The following MS4A12 variants were observed in gnomAD, a reference collection of about 807,000 sequenced individuals.
MS4A12 encodes membrane-spanning 4-domains subfamily A member 12.
Under a neutral mutation model 23.7 loss-of-function variants are expected in MS4A12, and 28 were observed. The ratio of observed to expected loss-of-function variants is 1.18; its 90% CI spans 0.88 to 1.62. MS4A12 has a LOEUF of 1.62. Among genes scored for constraint, MS4A12 ranks in the 40% most tolerant of loss-of-function variants. MS4A12 has a pLI of 0.00. For synonymous variants in MS4A12, 108 were observed against 110.1 expected (o/e 0.98, Z 0.12); for missense variants, 342 against 327.0 (o/e 1.05, Z -0.35).
At chr11:60,506,976 G>A (rs183100270) in intron 6 of MS4A12, 44 bp from the exon 7 acceptor site, 1 of 1,560,666 alleles carries the variant, frequency 6.4e-7, no homozygotes, top group African/African-American at 1.4e-5. Flanking sequence ...AAATTGCATA[G>A]GATTGTAGTA....
At chr11:60,496,814 A>T (rs1183709880) in intron 1 of MS4A12, among the ~76,000 whole-genome samples, 1 of 152,146 alleles carries the variant, frequency 6.6e-6, no homozygotes, top group African/African-American at 2.4e-5. Flanking sequence ...TCCTTGTTTC[A>T]TCCAGCTTCT....
intron 5 of MS4A12, 71 bp downstream of exon 5, chr11:60,503,888 C>G: frequency 7.6e-7 from 1 of 1,319,016 alleles, no homozygotes. Flanking sequence ...TGTTTTATTT[C>G]TTAATACCGT....
chr11:60,494,887 T>C (rs556721047), intron 1 of MS4A12, among the ~76,000 whole-genome samples: 1 of 152,306 alleles, frequency 6.6e-6, no homozygotes, highest in East Asian at 1.9e-4. Context: ...AACCTCACAT[T>C]CTCAAATGCT....
chr11:60,497,018 T>A (rs926421959), intron 1 of MS4A12, among the ~76,000 whole-genome samples: 10 of 152,198 alleles, frequency 6.6e-5, no homozygotes, highest in African/African-American at 2.4e-4. Context: ...CATGCTGCTA[T>A]GAGAATCCAA....
chr11:60,497,855 T>C (rs1047680898), intron 2 of MS4A12: 4 of 357,410 alleles, frequency 1.1e-5, no homozygotes, highest in Non-Finnish European at 1.5e-5. Context: ...CTGTTACATC[T>C]AGCTTGATCT....
intron 5 of MS4A12, 91 bp downstream of exon 5, chr11:60,503,908 C>G: frequency 1.8e-6 from 2 of 1,111,992 alleles, no homozygotes; most frequent in South Asian, 3.0e-5. Context: ...TATACCAGCT[C>G]TAGTGGAAAA....
intron 4 of MS4A12, 31 bp downstream of exon 4, chr11:60,502,070 C>A (rs368606447): frequency 4.4e-6 from 7 of 1,574,772 alleles, no homozygotes; most frequent in South Asian, 1.1e-5. Flanking sequence ...TTTTTGAACC[C>A]CTTTAAAGAT....
chr11:60,496,395 T>C (rs1223707116), intron 1 of MS4A12, among the ~76,000 whole-genome samples: 1 of 152,228 alleles, frequency 6.6e-6, no homozygotes, highest in Non-Finnish European at 1.5e-5. Flanking sequence ...GTCATTGTTG[T>C]CCATATTCAG....
At chr11:60,499,957 T>C (rs928560133) in intron 2 of MS4A12, among the ~76,000 whole-genome samples, 1 of 152,190 alleles carries the variant, frequency 6.6e-6, no homozygotes, top group East Asian at 1.9e-4. Flanking sequence ...AGAAAATGAT[T>C]GCATACCTGC....
intron 5 of MS4A12, among the ~76,000 whole-genome samples, chr11:60,504,645 T>C (rs1342396944): frequency 1.3e-5 from 2 of 152,224 alleles, no homozygotes; most frequent in Non-Finnish European, 2.9e-5. Context: ...TCCTTATCTA[T>C]CTAGAACATA....
At chr11:60,495,071 C>T (rs1248045663) in intron 1 of MS4A12, among the ~76,000 whole-genome samples, 5 of 151,202 alleles carry the variant, frequency 3.3e-5, no homozygotes, top group African/African-American at 1.2e-4. Flanking sequence ...CGGCTCACTG[C>T]AAGCTCCACC....
intron 1 of MS4A12, among the ~76,000 whole-genome samples, chr11:60,493,501 G>A (rs1376946034): frequency 9.2e-5 from 14 of 152,166 alleles, no homozygotes; most frequent in Admixed American, 9.2e-4. Flanking sequence ...TGATTATGTG[G>A]CTACCACAGG....
At chr11:60,502,889 C>A (rs2086541750) in intron 4 of MS4A12, among the ~76,000 whole-genome samples, 1 of 152,154 alleles carries the variant, frequency 6.6e-6, no homozygotes, top group Non-Finnish European at 1.5e-5. Context: ...TTTTAAGGAT[C>A]CTTCCGTCTA....
At chr11:60,502,656 C>T (rs1342445951) in intron 4 of MS4A12, among the ~76,000 whole-genome samples, 2 of 152,116 alleles carry the variant, frequency 1.3e-5, no homozygotes, top group Non-Finnish European at 2.9e-5. Flanking sequence ...AGTGATTTAT[C>T]AAGAACTAGA....
intron 2 of MS4A12, among the ~76,000 whole-genome samples, chr11:60,500,649 G>A (rs757471805): frequency 2.6e-5 from 4 of 152,206 alleles, no homozygotes; most frequent in South Asian, 2.1e-4. Flanking sequence ...TCCTTTACCC[G>A]TAACTGGGAT....
intron 1 of MS4A12, among the ~76,000 whole-genome samples, chr11:60,494,959 G>A (rs558557202): frequency 6.6e-6 from 1 of 150,966 alleles, no homozygotes; most frequent in Non-Finnish European, 1.5e-5. Flanking sequence ...CTTTTTCCTT[G>A]TTTAAAATAA....
rs1190923139 is a variant in MS4A12, at chr11:60,497,406, T to C, written c.88T>C (p.Phe30Leu). ...YPPSSFMAPGFQQPLGSINLE... is the reference protein window; with the variant it reads ...YPPSSFMAPGLQQPLGSINLE... ...ACCAAGCAGCTTTATGGCTCCTGGATTTCAACAGCCTCTGGGTTCAATCAA... is the reference window on the plus strand; with the variant it reads ...ACCAAGCAGCTTTATGGCTCCTGGACTTCAACAGCCTCTGGGTTCAATCAA... Residue 30 changes from phenylalanine (F) to leucine (L), a missense_variant, in exon 2 of 7, where the codon TTT becomes CTT. Coordinates refer to ENST00000016913, the MANE Select transcript of MS4A12 (RefSeq NM_017716.3). 2.5e-6 allele frequency: 4 copies of C among 1,614,068 alleles called. No homozygotes were observed. In the Admixed American group the frequency reaches 5.0e-5, roughly 20 times the overall value.
At chr11:60,493,258 C>G (rs1288794527) in intron 1 of MS4A12, among the ~76,000 whole-genome samples, 1 of 151,862 alleles carries the variant, frequency 6.6e-6, no homozygotes, top group African/African-American at 2.4e-5. Context: ...TGCCTGTAAT[C>G]CCAGCTACTC....
chr11:60,501,760 T>C (rs192069664), intron 3 of MS4A12, among the ~76,000 whole-genome samples: 1 of 152,114 alleles, frequency 6.6e-6, no homozygotes, highest in Admixed American at 6.5e-5. Context: ...CAAGGAATGC[T>C]TAAACATTGT....
Sources: allele counts gnomAD v4.1 joint callset (sites outside exome capture counted in the v4.1 genomes callset), GRCh38; gene constraint gnomAD v4.1.1; transcripts MANE v1.5; gene names NCBI Gene and HGNC (gene_info 2026-07-23, HGNC 2026-07-21).